MUSK: variants seen among roughly 807,000 people sequenced by gnomAD.
MUSK encodes muscle associated receptor tyrosine kinase.
MUSK carries 55 observed loss-of-function variants against 88.7 expected under a neutral mutation model. The ratio of observed to expected loss-of-function variants is 0.62; its 90% CI spans 0.50 to 0.78. The LOEUF is 0.78. MUSK is among the 30% of genes least tolerant of loss of function. The pLI is 0.00. For synonymous variants in MUSK, 387 were observed against 391.9 expected (o/e 0.99, Z 0.15); for missense variants, 1,015 against 1,074.3 (o/e 0.94, Z 0.77).
intron 1 of MUSK, among the ~76,000 whole-genome samples, chr9:110,681,100 A>ATAATATATATT (rs1202157671): frequency 1.6e-4 from 3 of 19,218 alleles, no homozygotes; most frequent in Non-Finnish European, 2.5e-4. Context: ...TATATTATAT[A>ATAATATATATT]ATATATATTA....
intron 13 of MUSK, among the ~76,000 whole-genome samples, chr9:110,786,640 T>G (rs914535726): frequency 6.6e-6 from 1 of 152,088 alleles, no homozygotes; most frequent in Non-Finnish European, 1.5e-5. Context: ...TGTATAGATA[T>G]TAAGTAGATG....
chr9:110,800,556 A>G lies in MUSK; in HGVS notation c.2178A>G (p.Leu726=). Residue 726 remains leucine, a synonymous_variant, in exon 15 of 15, where the codon TTA becomes TTG. Transcript: ENST00000374448. ...AACGTAAGTTTGTTCACCGAGATTT[A>G]GCCACCAGGAACTGCCTGGTGGGCG... ...LSERKFVHRD[L]ATRNCLVGEN... 1 of 1,613,812 alleles carries G rather than the reference A, an allele frequency of 6.2e-7. No individual in the cohort carries two copies. Among genetic ancestry groups the G allele is most frequent in the Non-Finnish European group, 8.5e-7 (1 of 1,179,862 alleles).
intron 7 of MUSK, 156 bp downstream of exon 7, chr9:110,747,956 A>C: frequency 9.5e-7 from 1 of 1,049,876 alleles, no homozygotes; most frequent in East Asian, 2.5e-5. Context: ...TCCGGAGGTG[A>C]CCTAGATATG....
chr9:110,690,441 AGT>A (rs1564220156), intron 3 of MUSK, among the ~76,000 whole-genome samples: 37 of 67,146 alleles, frequency 5.5e-4, no homozygotes, highest in African/African-American at 3.0e-3. Context: ...TTTCAATATA[AGT>A]ATATATAAAT....
At chr9:110,760,757 TA>T (rs1480069048) in intron 7 of MUSK, among the ~76,000 whole-genome samples, 1 of 152,126 alleles carries the variant, frequency 6.6e-6, no homozygotes, top group African/African-American at 2.4e-5. Flanking sequence ...GATCACTGAA[TA>T]AAAAGCTCAT....
intron 6 of MUSK, among the ~76,000 whole-genome samples, chr9:110,747,005 G>A (rs566617514): frequency 1.3e-5 from 2 of 152,280 alleles, no homozygotes; most frequent in African/African-American, 2.4e-5. Flanking sequence ...GATCCACACC[G>A]TATATAATTC....
intron 5 of MUSK, among the ~76,000 whole-genome samples, chr9:110,729,694 A>G (rs564378887): frequency 2.0e-5 from 3 of 152,164 alleles, no homozygotes; most frequent in South Asian, 4.2e-4. Context: ...TTTCAAAGGA[A>G]GCTAGAAAAT....
intron 1 of MUSK, among the ~76,000 whole-genome samples, chr9:110,679,439 CTTTATTTTTAACATTTCTGT>C (rs1299426788): frequency 6.6e-6 from 1 of 151,932 alleles, no homozygotes; most frequent in African/African-American, 2.4e-5. Flanking sequence ...TTTCCCTCCC[CTTTATTTTTAACATTTCTGT>C]TTTATTTTAT....
rs763978003 is a variant in MUSK, at chr9:110,805,878, G to A, written c.*4890G>A. 2.0e-5 allele frequency among the ~76,000 whole-genome samples: 3 copies of A among 151,802 alleles called. No individual in the cohort carries two copies. Among genetic ancestry groups the A allele is most frequent in the Non-Finnish European group, 4.4e-5 (3 of 67,868 alleles). On this transcript the variant is annotated 3_prime_UTR_variant, in exon 15 of 15. Transcript: ENST00000374448. Reference sequence around the variant, plus strand: ...TTAAAAGTTTATCATTTTCATCTCTGTTAGAGTTTTGTATTGGCATTAGCA... The same window carrying A: ...TTAAAAGTTTATCATTTTCATCTCTATTAGAGTTTTGTATTGGCATTAGCA...
chr9:110,788,374 A>G (rs1759847546), intron 14 of MUSK, among the ~76,000 whole-genome samples: 1 of 152,016 alleles, frequency 6.6e-6, no homozygotes, highest in Non-Finnish European at 1.5e-5. Flanking sequence ...GCTCATGCCT[A>G]TAATCTCAGC....
rs948488700 is a variant in MUSK, at chr9:110,801,081, G to A, written c.*93G>A. On this transcript the variant is annotated 3_prime_UTR_variant, in exon 15 of 15. Transcript: ENST00000374448. ...CCAGAGGCCCAACAAGACCCACATA[G>A]GAAAGAGTAAGAGTAAACATGAGTA... 4 of 1,148,126 alleles carry A rather than the reference G, an allele frequency of 3.5e-6. No individual in the cohort carries two copies. Among genetic ancestry groups the A allele is most frequent in the East Asian group, 2.6e-5 (1 of 38,756 alleles). 71.1% of individuals were successfully genotyped at this position (1,148,126 alleles called of 1,614,324 possible).
Position 110,771,013 on chromosome 9 carries a change from T to C in MUSK, c.1184+2930T>C, listed in dbSNP as rs530215585. On this transcript the variant is annotated intron_variant, in intron 9 of 14. Coordinates refer to ENST00000374448, the MANE Select transcript of MUSK (RefSeq NM_005592.4). Reference sequence around the variant, plus strand: ...TCTTTTTTTTGAGGTAGTTAGTTGATAGAAGTATAATTTATATACAAGAAA... The same window carrying C: ...TCTTTTTTTTGAGGTAGTTAGTTGACAGAAGTATAATTTATATACAAGAAA... 7.2e-5 allele frequency among the ~76,000 whole-genome samples: 11 copies of C among 152,142 alleles called. No individual in the cohort carries two copies. In the East Asian group the frequency reaches 1.2e-3, roughly 16 times the overall value.
At chr9:110,690,504 A>G (rs1400223797) in intron 3 of MUSK, among the ~76,000 whole-genome samples, 408 of 17,210 alleles carry the variant, frequency 0.024, no homozygotes, top group Middle Eastern at 0.062. Flanking sequence ...ATATAAGTAT[A>G]TATATAAATA....
intron 5 of MUSK, among the ~76,000 whole-genome samples, chr9:110,715,313 A>G (rs1455544852): frequency 2.0e-5 from 3 of 149,778 alleles, no homozygotes; most frequent in Non-Finnish European, 2.9e-5. Flanking sequence ...CCACAATTCT[A>G]TGAGTTGAAA....
At chr9:110,790,714 G>A (rs1207773417) in intron 14 of MUSK, among the ~76,000 whole-genome samples, 3 of 152,048 alleles carry the variant, frequency 2.0e-5, no homozygotes, top group Non-Finnish European at 4.4e-5. Flanking sequence ...GGAAAGAGAA[G>A]AAATAAATTG....
In MUSK at chr9:110,757,241, T is replaced by C. The variant is rs138845933; in HGVS notation, c.914-4961T>C. On this transcript the variant is annotated intron_variant, in intron 7 of 14. Coordinates refer to ENST00000374448, the MANE Select transcript of MUSK (RefSeq NM_005592.4). Reference sequence around the variant, plus strand: ...TGGGAGGCTGAGGCGGGTGGATAATTTGAGGTTGGGAGTTCGAGACTAGCC... The same window carrying C: ...TGGGAGGCTGAGGCGGGTGGATAATCTGAGGTTGGGAGTTCGAGACTAGCC... Among the ~76,000 whole-genome samples the C allele has an allele frequency of 2.2e-4, 34 of 151,992 alleles. No homozygotes were observed. In the East Asian group the frequency reaches 6.2e-3, roughly 28 times the overall value.
rs945999132 is a variant in MUSK, at chr9:110,803,050, T to C, written c.*2062T>C. Among the ~76,000 whole-genome samples the C allele has an allele frequency of 1.3e-5, 2 of 152,208 alleles. No individual in the cohort carries two copies. Among genetic ancestry groups the C allele is most frequent in the African/African-American group, 4.8e-5 (2 of 41,450 alleles). ...CTTGAGCATAGATATCCATGGCTTA[T>C]TTTAGATGGTTCATGTATGCTCTGC... On this transcript the variant is annotated 3_prime_UTR_variant, in exon 15 of 15. Transcript: ENST00000374448.
chr9:110,681,033 ATATTATATAATATATATTATATAT>A (rs2076108288), intron 1 of MUSK, among the ~76,000 whole-genome samples: 1 of 45,470 alleles, frequency 2.2e-5, no homozygotes, highest in African/African-American at 1.4e-4. Flanking sequence ...TATATATTAT[ATATTATATAATATATATTATATAT>A]TATATATATA....
intron 1 of MUSK, among the ~76,000 whole-genome samples, chr9:110,679,801 C>A: frequency 1.1e-5 from 1 of 94,558 alleles, no homozygotes; most frequent in South Asian, 2.7e-4. Context: ...TGAAGTTATT[C>A]AATATTTCTG....
Sources: allele counts gnomAD v4.1 joint callset (sites outside exome capture counted in the v4.1 genomes callset), GRCh38; gene constraint gnomAD v4.1.1; transcripts MANE v1.5; gene names NCBI Gene and HGNC (gene_info 2026-07-23, HGNC 2026-07-21).